The following PALLD variants were observed in gnomAD, a reference collection of about 807,000 sequenced individuals.
PALLD encodes the protein palladin, cytoskeletal associated protein, also known as palladin.
Under a neutral mutation model 123.5 loss-of-function variants are expected in PALLD, and 61 were observed. The observed-to-expected ratio is 0.49, with a 90% CI of 0.40 to 0.61. The LOEUF (loss-of-function observed/expected upper bound fraction) is 0.61, where lower values mean the gene tolerates loss of function less well. Among genes scored for constraint, PALLD ranks in the 20% least tolerant of loss-of-function variants. The pLI is 0.00. For missense variants in PALLD, 1,273 were observed against 1,377.0 expected, an observed-to-expected ratio of 0.92 and a Z score of 1.20; for synonymous variants, 465 against 496.4, an observed-to-expected ratio of 0.94 and a Z score of 0.84.
At chr4:168,833,378 C>T (rs1180016207) in intron 10 of PALLD, among the ~76,000 whole-genome samples, 1 of 152,148 alleles carries the variant, frequency 6.6e-6, no homozygotes, top group Non-Finnish European at 1.5e-5. Flanking sequence ...GGCGAAATTC[C>T]AGGACGGGTG....
chr4:168,926,289 G>A lies in PALLD; in HGVS notation c.*109G>A, dbSNP rs1002500543. The A allele has an allele frequency of 1.3e-5, 20 of 1,536,894 alleles. No individual in the cohort carries two copies. The highest frequency in any genetic ancestry group is 2.4e-5 in the East Asian group (1 of 40,928). ...CAGCCAGTCGCTATGCAGCACTTTC[G>A]GACCAGGGACTAGACATCAAAGCAG... is the stretch of plus-strand genomic sequence containing the variant. On this transcript the variant is annotated 3_prime_UTR_variant, in exon 22 of 22. Coordinates refer to ENST00000505667, the MANE Select transcript of PALLD (RefSeq NM_001166108.2).
At chr4:168,771,979 A>AACCATTTT in intron 10 of PALLD, among the ~76,000 whole-genome samples, 1 of 152,272 alleles carries the variant, frequency 6.6e-6, no homozygotes, top group African/African-American at 2.4e-5. Context: ...ATTAATAATT[A>AACCATTTT]ACCATTTTTC....
At chr4:168,751,579 T>C (rs1339841124) in intron 10 of PALLD, among the ~76,000 whole-genome samples, 1 of 152,134 alleles carries the variant, frequency 6.6e-6, no homozygotes, top group Non-Finnish European at 1.5e-5. Flanking sequence ...ATAGAGTCAT[T>C]ACTGAATAAA....
In PALLD at chr4:168,915,949, ATTC is replaced by A; in HGVS notation, c.2776_2778del (p.Phe926del). 1 of 1,613,428 alleles carries A rather than the reference ATTC, an allele frequency of 6.2e-7. No homozygotes were observed. The highest frequency in any genetic ancestry group is 8.5e-7 in the Non-Finnish European group (1 of 1,179,302). On this transcript the variant is annotated inframe_deletion, in exon 17 of 22. Transcript: ENST00000505667. ...ACGAAAATGAACCAATTCAGGAGCG[ATTC>A]TTCAGACCTCACTTCTTGCAGGCTC... is the stretch of plus-strand genomic sequence containing the variant.
chr4:168,878,505 A>C, intron 10 of PALLD: 2 of 760,188 alleles, frequency 2.6e-6, no homozygotes, highest in Non-Finnish European at 3.9e-6. Context: ...AGAGCGCCCC[A>C]GTAACATTTC....
intron 15 of PALLD, among the ~76,000 whole-genome samples, chr4:168,913,219 C>A (rs984153444): frequency 4.5e-4 from 68 of 151,002 alleles, no homozygotes; most frequent in African/African-American, 1.6e-3. Context: ...TCACTGCAAC[C>A]TCCGCCTCCC....
rs72695199 is a variant in PALLD at position 168,512,293 on chromosome 4, C to T, written c.789C>T (p.Ser263=). 0.12 allele frequency: 189,085 copies of T among 1,613,934 alleles called. 12,010 individuals carry two copies. The highest frequency in any genetic ancestry group is 0.15 in the Middle Eastern group (882 of 6,062). ...HNRKSHPQPH[S]ALHFPAAPRF... is the part of the protein sequence containing the mutation. ...GCAAGTCTCACCCACAGCCCCACAG[C>T]GCCCTCCACTTCCCAGCTGCACCTC... The change falls in exon 2 of 22, where the codon AGC becomes AGT. Residue 263 remains serine (S), a synonymous_variant. Transcript: ENST00000505667.
chr4:168,779,549 C>T (rs1735614376), intron 10 of PALLD, among the ~76,000 whole-genome samples: 1 of 150,954 alleles, frequency 6.6e-6, no homozygotes, highest in Non-Finnish European at 1.5e-5. Context: ...ATGTGCACAC[C>T]CTTGCATCTA....
At chr4:168,714,875 A>C (rs900804653) in intron 10 of PALLD, among the ~76,000 whole-genome samples, 1 of 151,690 alleles carries the variant, frequency 6.6e-6, no homozygotes, top group Non-Finnish European at 1.5e-5. Context: ...AGAAAACTGC[A>C]TTTTTTTTCT....
chr4:168,715,403 A>G (rs375329093), intron 10 of PALLD, among the ~76,000 whole-genome samples: 5 of 152,342 alleles, frequency 3.3e-5, no homozygotes, highest in Non-Finnish European at 5.9e-5. Flanking sequence ...GCACAAGAAA[A>G]AATTAATAGC....
chr4:168,857,614 G>A (rs968842899), intron 10 of PALLD, among the ~76,000 whole-genome samples: 2 of 152,190 alleles, frequency 1.3e-5, no homozygotes, highest in African/African-American at 2.4e-5. Context: ...ATCAGCTAGC[G>A]TGTTAATATG....
At chr4:168,761,641 GTTTGTTTTTTTTT>G (rs1391848363) in intron 10 of PALLD, among the ~76,000 whole-genome samples, 69 of 11,624 alleles carry the variant, frequency 5.9e-3, no homozygotes, top group African/African-American at 0.013. Flanking sequence ...TGTTGTTGTT[GTTTGTTTTTTTTT>G]TTTTTTTTTT....
At chr4:168,727,405 T>A (rs1786700267) in intron 10 of PALLD, among the ~76,000 whole-genome samples, 1 of 152,146 alleles carries the variant, frequency 6.6e-6, no homozygotes, top group Non-Finnish European at 1.5e-5. Context: ...TTTGACTTTT[T>A]AATAGTAGCT....
At chr4:168,789,221 T>C (rs1279029281) in intron 10 of PALLD, among the ~76,000 whole-genome samples, 1 of 152,228 alleles carries the variant, frequency 6.6e-6, no homozygotes, top group Non-Finnish European at 1.5e-5. Flanking sequence ...TGGCTCTAAC[T>C]AGAACATTAT....
At chr4:168,908,504 A>C (rs1324418401) in intron 15 of PALLD, among the ~76,000 whole-genome samples, 1 of 152,196 alleles carries the variant, frequency 6.6e-6, no homozygotes, top group Non-Finnish European at 1.5e-5. Context: ...GTGAAAAAAA[A>C]ATTCAAAATA....
chr4:168,520,327 CAAAA>C (rs1554034658), intron 2 of PALLD, among the ~76,000 whole-genome samples: 2 of 101,614 alleles, frequency 2.0e-5, no homozygotes, highest in African/African-American at 3.9e-5. Flanking sequence ...ATTCCGTCAC[CAAAA>C]AAAAAAAAAA....
At chr4:168,597,165 G>A (rs1422864207) in intron 2 of PALLD, among the ~76,000 whole-genome samples, 3 of 151,890 alleles carry the variant, frequency 2.0e-5, no homozygotes, top group African/African-American at 7.3e-5. Context: ...TTCTATATAA[G>A]ATAATAAAAT....
chr4:168,616,016 TG>T (rs1156515113), intron 2 of PALLD, among the ~76,000 whole-genome samples: 1 of 152,178 alleles, frequency 6.6e-6, no homozygotes, highest in African/African-American at 2.4e-5. Context: ...AAGCCATCCT[TG>T]GGTTTTGATG....
At chr4:168,799,047 CAAAAAAT>C (rs1467571903) in intron 10 of PALLD, among the ~76,000 whole-genome samples, 1 of 151,992 alleles carries the variant, frequency 6.6e-6, no homozygotes, top group African/African-American at 2.4e-5. Context: ...AATTTATAGA[CAAAAAAT>C]AATAATAATA....
Sources: gnomAD v4.1 joint callset for allele counts (sites outside exome capture counted in the v4.1 genomes callset) on GRCh38, gnomAD v4.1.1 for gene constraint, MANE v1.5 for transcripts, NCBI Gene and HGNC (gene_info 2026-07-23, HGNC 2026-07-21) for gene names.